The following AFF2 variants were observed in gnomAD, a reference collection of about 807,000 sequenced individuals.
AFF2 encodes the protein ALF transcription elongation factor 2, also known as AF4/FMR2 family member 2.
Under a neutral mutation model 76.9 loss-of-function variants are expected in AFF2, and 14 were observed. The observed-to-expected ratio is 0.18, with a 90% CI of 0.12 to 0.28. AFF2 has a LOEUF of 0.28. AFF2 is among the 10% of genes least tolerant of loss of function. AFF2 has a pLI of 1.00. For missense variants in AFF2, 868 were observed against 1,001.1 expected (o/e 0.87, Z 1.79); for synonymous variants, 398 against 366.7 (o/e 1.09, Z -0.98).
intron 1 of AFF2, among the ~76,000 whole-genome samples, chrX:148,622,379 G>A (rs1406844691): frequency 4.5e-5 from 5 of 112,009 alleles, no homozygotes; most frequent in African/African-American, 1.6e-4. Flanking sequence ...AGTTGATGTT[G>A]CAGTCCGGAG....
chrX:148,645,883 G>T (rs2054138817), intron 1 of AFF2, among the ~76,000 whole-genome samples: 1 of 111,660 alleles, frequency 9.0e-6, no homozygotes, highest in African/African-American at 3.3e-5. Flanking sequence ...AAACAAAATT[G>T]AGCCCTCTTA....
chrX:148,631,363 A>T (rs782240177), intron 1 of AFF2, among the ~76,000 whole-genome samples: 1 of 111,937 alleles, frequency 8.9e-6, no homozygotes, highest in East Asian at 2.8e-4. Context: ...AATATATATG[A>T]CTGTCATATA....
chrX:148,785,159 A>T (rs922673391), intron 3 of AFF2, among the ~76,000 whole-genome samples: 11 of 112,191 alleles, frequency 9.8e-5, no homozygotes, highest in African/African-American at 3.6e-4. Context: ...TCACACAGAA[A>T]CTAGTTTGTA....
chrX:148,839,894 G>GGTGTGTGTGTGTGTGTGTGTGTGTGT (rs200060298), intron 5 of AFF2, among the ~76,000 whole-genome samples: 3 of 87,018 alleles, frequency 3.4e-5, no homozygotes, highest in African/African-American at 1.2e-4. Context: ...GTTGGGGCAT[G>GGTGTGTGTGTGTGTGTGTGTGTGTGT]GTGTGTGTGT....
intron 3 of AFF2, among the ~76,000 whole-genome samples, chrX:148,781,686 C>G (rs2069747091): frequency 9.0e-6 from 1 of 111,726 alleles, no homozygotes; most frequent in Non-Finnish European, 1.9e-5. Context: ...CTGGCTTCAG[C>G]CTTCTTTCCA....
intron 3 of AFF2, among the ~76,000 whole-genome samples, chrX:148,785,877 C>T (rs782418016): frequency 1.0e-3 from 117 of 111,808 alleles, no homozygotes; most frequent in African/African-American, 3.5e-3. Context: ...GTAAGGGAAT[C>T]CACGCAAATT....
intron 1 of AFF2, among the ~76,000 whole-genome samples, chrX:148,506,364 T>C (rs782067014): frequency 7.9e-4 from 88 of 111,813 alleles, no homozygotes; most frequent in African/African-American, 2.8e-3. Flanking sequence ...ATTTTTTGTG[T>C]GGATCCGAAT....
chrX:148,886,021 G>A (rs148137743), intron 8 of AFF2, 36 bp downstream of exon 8: 20 of 1,060,972 alleles, frequency 1.9e-5, no homozygotes, highest in South Asian at 1.1e-4. Flanking sequence ...TGGGATGAAG[G>A]GGGGAGCAGG....
chrX:148,784,087 T>C (rs782583228), intron 3 of AFF2, among the ~76,000 whole-genome samples: 28 of 112,184 alleles, frequency 2.5e-4, no homozygotes, highest in Admixed American at 5.7e-4. Context: ...TCCTCTCCAG[T>C]GGCTGAGGAG....
At chrX:148,886,385 A>G (rs2071160752) in intron 8 of AFF2, among the ~76,000 whole-genome samples, 2 of 111,565 alleles carry the variant, frequency 1.8e-5, no homozygotes, top group African/African-American at 6.5e-5. Context: ...TATAAATGTG[A>G]TGCTTCATTC....
At chrX:148,613,098 C>T (rs2053750173) in intron 1 of AFF2, among the ~76,000 whole-genome samples, 1 of 111,697 alleles carries the variant, frequency 9.0e-6, no homozygotes, top group African/African-American at 3.3e-5. Context: ...TTCCATTTTA[C>T]ATCCCCTAAT....
At chrX:148,707,494 TA>T (rs1183360079) in intron 3 of AFF2, among the ~76,000 whole-genome samples, 9 of 110,426 alleles carry the variant, frequency 8.2e-5, no homozygotes, top group Non-Finnish European at 1.1e-4. Context: ...ATAATATATA[TA>T]TTTTTTTTCC....
chrX:148,910,188 A>G (rs782082776), intron 9 of AFF2, among the ~76,000 whole-genome samples: 72 of 112,647 alleles, frequency 6.4e-4, no homozygotes, highest in Non-Finnish European at 1.2e-3. Flanking sequence ...ATCAGAATCC[A>G]CTCTGCGTAG....
intron 1 of AFF2, chrX:148,547,516 A>G (rs1194453219): frequency 8.9e-6 from 1 of 112,249 alleles, no homozygotes; most frequent in African/African-American, 3.2e-5. Context: ...AGGCAGTACC[A>G]AAATGTAAGG....
chrX:148,561,162 G>T (rs1417242169), intron 1 of AFF2, among the ~76,000 whole-genome samples: 1 of 112,437 alleles, frequency 8.9e-6, no homozygotes, highest in East Asian at 2.8e-4. Flanking sequence ...ACCAAAACAT[G>T]AGTGAATGAA....
At chrX:148,856,358 A>G (rs1316492212) in intron 7 of AFF2, among the ~76,000 whole-genome samples, 4 of 112,246 alleles carry the variant, frequency 3.6e-5, no homozygotes, top group African/African-American at 1.3e-4. Context: ...AGATGTAGGC[A>G]CTACCGTTAC....
At chrX:148,803,421 C>G (rs1220488632) in intron 3 of AFF2, among the ~76,000 whole-genome samples, 2 of 111,221 alleles carry the variant, frequency 1.8e-5, no homozygotes, top group Non-Finnish European at 3.8e-5. Flanking sequence ...GCTGCAGCAA[C>G]AGTAACCAGA....
intron 9 of AFF2, among the ~76,000 whole-genome samples, chrX:148,913,024 C>T (rs1359269657): frequency 2.6e-5 from 3 of 113,221 alleles, no homozygotes; most frequent in Non-Finnish European, 5.6e-5. Context: ...TAAATAGCTG[C>T]ATAAAATAAA....
intron 16 of AFF2, among the ~76,000 whole-genome samples, chrX:148,974,167 T>G (rs781827750): frequency 9.1e-6 from 1 of 109,605 alleles, no homozygotes; most frequent in African/African-American, 3.3e-5. Context: ...GGATATTAAC[T>G]GCACACATTA....
Sources: gnomAD v4.1 joint callset for allele counts (sites outside exome capture counted in the v4.1 genomes callset) on GRCh38, gnomAD v4.1.1 for gene constraint, MANE v1.5 for transcripts, NCBI Gene and HGNC (gene_info 2026-07-23, HGNC 2026-07-21) for gene names.